Variants in ANKS1B observed in about 807,000 individuals in gnomAD.
ANKS1B encodes ankyrin repeat and sterile alpha motif domain-containing protein 1B.
In ANKS1B, 36 loss-of-function variants were observed where a neutral mutation model predicts 148.3. That is an observed-to-expected ratio of 0.24 (90% confidence interval 0.19 to 0.32). The LOEUF is 0.32. Among genes scored for constraint, ANKS1B ranks in the 10% least tolerant of loss-of-function variants. The pLI is 1.00. For missense variants in ANKS1B, 1,157 were observed against 1,542.6 expected, an observed-to-expected ratio of 0.75 and a Z score of 4.19; for synonymous variants, 542 against 560.8, an observed-to-expected ratio of 0.97 and a Z score of 0.47.
chr12:99,297,989 C>T (rs531274841), intron 12 of ANKS1B, among the ~76,000 whole-genome samples: 11 of 151,776 alleles, frequency 7.2e-5, no homozygotes, highest in Admixed American at 2.0e-4. Context: ...TGTGTCTGTA[C>T]GTGTGGCCTT....
At chr12:99,381,702 G>T (rs2093649619) in intron 12 of ANKS1B, among the ~76,000 whole-genome samples, 3 of 152,186 alleles carry the variant, frequency 2.0e-5, no homozygotes, top group Admixed American at 6.5e-5. Flanking sequence ...CCAAAAGTGA[G>T]TCCAGGAAGT....
chr12:98,932,201 T>C (rs937649666), intron 17 of ANKS1B, among the ~76,000 whole-genome samples: 1 of 152,162 alleles, frequency 6.6e-6, no homozygotes, highest in Admixed American at 6.6e-5. Context: ...CCTGCTCTGG[T>C]AGGCAGCACT....
chr12:98,828,169 G>A (rs1338180367), intron 19 of ANKS1B, among the ~76,000 whole-genome samples: 1 of 152,192 alleles, frequency 6.6e-6, no homozygotes, highest in East Asian at 1.9e-4. Flanking sequence ...GGAGCTGAAA[G>A]AAGACACAGT....
intron 16 of ANKS1B, among the ~76,000 whole-genome samples, chr12:99,061,347 C>G (rs1189488254): frequency 6.6e-6 from 1 of 152,128 alleles, no homozygotes; most frequent in Non-Finnish European, 1.5e-5. Flanking sequence ...AAAACAATAC[C>G]CTGGAGTCTG....
intron 14 of ANKS1B, among the ~76,000 whole-genome samples, chr12:99,208,484 G>T (rs2082941207): frequency 6.6e-6 from 1 of 152,074 alleles, no homozygotes; most frequent in African/African-American, 2.4e-5. Flanking sequence ...AACTAGTTAG[G>T]CTTATTTCAT....
chr12:99,523,846 C>T (rs2096900841), intron 9 of ANKS1B, among the ~76,000 whole-genome samples: 1 of 152,158 alleles, frequency 6.6e-6, no homozygotes, highest in South Asian at 2.1e-4. Flanking sequence ...GCCACCACAC[C>T]CAGCCTATAC....
intron 17 of ANKS1B, among the ~76,000 whole-genome samples, chr12:98,936,734 T>C (rs1176086313): frequency 1.3e-5 from 2 of 152,218 alleles, no homozygotes; most frequent in Non-Finnish European, 2.9e-5. Flanking sequence ...TAGATCTCAA[T>C]ACAGTGGTCT....
chr12:98,768,880 G>T (rs1335153247), intron 25 of ANKS1B, among the ~76,000 whole-genome samples: 2 of 109,940 alleles, frequency 1.8e-5, no homozygotes, highest in African/African-American at 3.3e-5. Context: ...CCTAGCTTCT[G>T]TAGGGGGGGC....
chr12:98,957,982 T>C (rs1307197553), intron 17 of ANKS1B, among the ~76,000 whole-genome samples: 1 of 152,090 alleles, frequency 6.6e-6, no homozygotes, highest in African/African-American at 2.4e-5. Context: ...TACTTGTAAA[T>C]AGATGGGAGG....
At chr12:99,623,941 T>C (rs532887517) in intron 9 of ANKS1B, among the ~76,000 whole-genome samples, 81 of 152,038 alleles carry the variant, frequency 5.3e-4, no homozygotes, top group African/African-American at 2.0e-3. Flanking sequence ...TGAGGCTGAA[T>C]AGCCAAAGCA....
chr12:99,868,526 G>C lies in ANKS1B; in HGVS notation c.135-43137C>G, dbSNP rs1248458415. On this transcript the variant is annotated intron_variant, in intron 1 of 26. Coordinates refer to ENST00000683438, the MANE Select transcript of ANKS1B (RefSeq NM_001352186.2). ...AGAAGACATGAAGGACGACAAGAAAGAAATTTCATGCAGAAAACCCCAAAA... is the reference window on the plus strand; with the variant it reads ...AGAAGACATGAAGGACGACAAGAAACAAATTTCATGCAGAAAACCCCAAAA... Among the ~76,000 whole-genome samples, 4 of 151,626 alleles carry C rather than the reference G, an allele frequency of 2.6e-5. No individual in the cohort carries two copies. The East Asian group carries it at 7.7e-4, about 29-fold the overall frequency.
chr12:98,769,165 C>CTT (rs1182264550), intron 25 of ANKS1B, among the ~76,000 whole-genome samples: 1,141 of 41,156 alleles, frequency 0.028, 181 homozygotes, highest in African/African-American at 0.043. Context: ...GTCTTCTTTA[C>CTT]TTTTTTTTTT....
intron 24 of ANKS1B, 56 bp from the exon 25 acceptor site, chr12:98,773,235 C>T: frequency 6.5e-7 from 1 of 1,530,580 alleles, no homozygotes; most frequent in Non-Finnish European, 8.8e-7. Context: ...GCATATATGA[C>T]AACCAAGACA....
At chr12:99,393,091 A>T (rs2094130175) in intron 12 of ANKS1B, among the ~76,000 whole-genome samples, 1 of 129,938 alleles carries the variant, frequency 7.7e-6, no homozygotes, top group African/African-American at 3.5e-5. Flanking sequence ...CAATCGATAG[A>T]CAGATGATAG....
intron 17 of ANKS1B, among the ~76,000 whole-genome samples, chr12:98,873,908 G>C (rs928475979): frequency 3.3e-5 from 5 of 152,042 alleles, no homozygotes; most frequent in African/African-American, 1.2e-4. Context: ...CACATATGGT[G>C]GGTGGGGGGA....
At chr12:99,047,060 T>C (rs914648194) in intron 17 of ANKS1B, among the ~76,000 whole-genome samples, 17 of 152,144 alleles carry the variant, frequency 1.1e-4, no homozygotes, top group African/African-American at 2.4e-5. Flanking sequence ...CTAATACTGA[T>C]GTATTTGGGG....
chr12:99,214,531 C>G (rs930031068), intron 14 of ANKS1B, among the ~76,000 whole-genome samples: 1 of 152,196 alleles, frequency 6.6e-6, no homozygotes, highest in African/African-American at 2.4e-5. Flanking sequence ...CCTGCCATCA[C>G]GTAAGACATG....
intron 4 of ANKS1B, among the ~76,000 whole-genome samples, chr12:99,789,258 A>T (rs1481670687): frequency 6.6e-6 from 1 of 152,180 alleles, no homozygotes; most frequent in African/African-American, 2.4e-5. Context: ...AAGACCACCA[A>T]GGCAATACCT....
chr12:98,825,687 T>C (rs565728252), intron 19 of ANKS1B, among the ~76,000 whole-genome samples: 2 of 152,292 alleles, frequency 1.3e-5, no homozygotes, highest in African/African-American at 4.8e-5. Flanking sequence ...GTTTGGAGAA[T>C]GTGGCCTTAA....
Sources: gnomAD v4.1 joint callset for allele counts (sites outside exome capture counted in the v4.1 genomes callset) on GRCh38, gnomAD v4.1.1 for gene constraint, MANE v1.5 for transcripts, NCBI Gene and HGNC (gene_info 2026-07-23, HGNC 2026-07-21) for gene names.